Variants in RBFOX1 observed in about 807,000 individuals in gnomAD.
The protein encoded by RBFOX1 is RNA binding fox-1 homolog 1.
RBFOX1 carries 8 observed loss-of-function variants against 57.7 expected under a neutral mutation model. The observed-to-expected ratio is 0.14, with a 90% CI of 0.08 to 0.25. The LOEUF (loss-of-function observed/expected upper bound fraction) is 0.25. Among genes scored for constraint, RBFOX1 ranks in the 10% least tolerant of loss-of-function variants. The probability of loss-of-function intolerance (pLI) is 1.00; values close to 1 mark genes in which losing one functional copy is unlikely to be tolerated. For synonymous variants in RBFOX1, 326 were observed against 222.4 expected, an observed-to-expected ratio of 1.47 and a Z score of -4.15; for missense variants, 611 against 548.5, an observed-to-expected ratio of 1.11 and a Z score of -1.14.
At chr16:5,428,487 T>C (rs554249035) in intron 1 of RBFOX1, among the ~76,000 whole-genome samples, 25 of 152,266 alleles carry the variant, frequency 1.6e-4, no homozygotes, top group African/African-American at 5.3e-4. Context: ...ATATGCATTC[T>C]AGTAGAGGAA....
chr16:7,417,669 G>A (rs2098497140), intron 4 of RBFOX1, among the ~76,000 whole-genome samples: 1 of 151,980 alleles, frequency 6.6e-6, no homozygotes, highest in South Asian at 2.1e-4. Context: ...TTTCGTCCCT[G>A]CAGTGACCTC....
intron 5 of RBFOX1, among the ~76,000 whole-genome samples, chr16:7,532,650 G>A (rs1053121888): frequency 1.3e-5 from 2 of 152,174 alleles, no homozygotes; most frequent in Non-Finnish European, 2.9e-5. Flanking sequence ...ATCAGCAGAA[G>A]TAGCAAGGCT....
chr16:5,454,851 TTCTTTTCTTTCTTTC>T (rs2068542982), intron 1 of RBFOX1, among the ~76,000 whole-genome samples: 1 of 101,416 alleles, frequency 9.9e-6, no homozygotes, highest in Non-Finnish European at 2.0e-5. Context: ...CTTTCTTTCT[TTCTTTTCTTTCTTTC>T]TTTCTTTCTT....
chr16:6,463,686 C>G (rs183384492), intron 2 of RBFOX1, among the ~76,000 whole-genome samples: 2 of 152,326 alleles, frequency 1.3e-5, no homozygotes, highest in Admixed American at 1.3e-4. Context: ...TGTCATTTAG[C>G]TCTCTTACAG....
intron 1 of RBFOX1, among the ~76,000 whole-genome samples, chr16:5,447,116 C>A (rs1049917650): frequency 3.9e-5 from 6 of 152,166 alleles, no homozygotes; most frequent in African/African-American, 1.4e-4. Flanking sequence ...AGCCCCTTGG[C>A]TGGTCTCTGC....
At chr16:7,550,143 C>A (rs1413025140) in intron 5 of RBFOX1, among the ~76,000 whole-genome samples, 1 of 152,142 alleles carries the variant, frequency 6.6e-6, no homozygotes, top group African/African-American at 2.4e-5. Flanking sequence ...GTTGCCCAGG[C>A]TGGTCTCAAA....
At chr16:6,308,471 A>T (rs2079815174) in intron 1 of RBFOX1, among the ~76,000 whole-genome samples, 1 of 152,222 alleles carries the variant, frequency 6.6e-6, no homozygotes, top group Non-Finnish European at 1.5e-5. Context: ...TTTACATAAA[A>T]ATACTGGCTG....
intron 3 of RBFOX1, among the ~76,000 whole-genome samples, chr16:6,842,418 CTGTT>C (rs1236745038): frequency 4.6e-5 from 7 of 152,058 alleles, no homozygotes; most frequent in East Asian, 3.9e-4. Flanking sequence ...AGATTATTCA[CTGTT>C]TGGGCAACTT....
intron 4 of RBFOX1, among the ~76,000 whole-genome samples, chr16:5,875,652 A>C (rs1017157793): frequency 2.0e-5 from 3 of 152,202 alleles, no homozygotes; most frequent in South Asian, 4.1e-4. Flanking sequence ...AGAAGTATCA[A>C]CTAGAACCAA....
In RBFOX1 at chr16:5,752,163, G is replaced by A. The variant is rs570926940; in HGVS notation, c.319-115140G>A. 3.3e-5 allele frequency among the ~76,000 whole-genome samples: 5 copies of A among 152,320 alleles called. No homozygotes were observed. In the East Asian group the frequency reaches 7.7e-4, roughly 24 times the overall value. ...GGAGGCTATTGTCCTCAGCAAACTGGTGTAGGAACAGAAAACCACATACTG... is the reference window on the plus strand; with the variant it reads ...GGAGGCTATTGTCCTCAGCAAACTGATGTAGGAACAGAAAACCACATACTG... On this transcript the variant is annotated intron_variant, in intron 3 of 19. Coordinates refer to the RBFOX1 transcript ENST00000641259.
intron 1 of RBFOX1, among the ~76,000 whole-genome samples, chr16:5,459,808 G>C (rs2068736683): frequency 6.6e-6 from 1 of 152,014 alleles, no homozygotes; most frequent in African/African-American, 2.4e-5. Context: ...TCTGAGCTCA[G>C]AGACTGCTTA....
chr16:6,794,197 T>A (rs2083493952), intron 3 of RBFOX1, among the ~76,000 whole-genome samples: 1 of 152,030 alleles, frequency 6.6e-6, no homozygotes, highest in Admixed American at 6.6e-5. Context: ...TGATGCGGGA[T>A]TACTGGGAGA....
chr16:6,274,003 G>A (rs1476181898), intron 1 of RBFOX1, among the ~76,000 whole-genome samples: 1 of 152,174 alleles, frequency 6.6e-6, no homozygotes, highest in Non-Finnish European at 1.5e-5. Flanking sequence ...TGGTATCAGT[G>A]CACACCTATC....
At chr16:7,681,563 C>G (rs894049158) in intron 14 of RBFOX1, among the ~76,000 whole-genome samples, 2 of 152,166 alleles carry the variant, frequency 1.3e-5, no homozygotes, top group South Asian at 2.1e-4. Context: ...AATTGGAGTT[C>G]TTATCCGATG....
At chr16:7,612,320 C>CAAAAAAAAAAAAAAA (rs60248765) in intron 10 of RBFOX1, among the ~76,000 whole-genome samples, 1 of 71,478 alleles carries the variant, frequency 1.4e-5, no homozygotes, top group African/African-American at 6.5e-5. Context: ...GACTCCATCT[C>CAAAAAAAAAAAAAAA]AAAAAAAAAA....
At chr16:5,588,976 G>T (rs1439506018) in intron 2 of RBFOX1, among the ~76,000 whole-genome samples, 1 of 152,208 alleles carries the variant, frequency 6.6e-6, no homozygotes, top group Non-Finnish European at 1.5e-5. Flanking sequence ...GGGCTGCCTA[G>T]ATGTCATGGC....
At chr16:6,905,615 C>A (rs2069671859) in intron 3 of RBFOX1, among the ~76,000 whole-genome samples, 1 of 151,406 alleles carries the variant, frequency 6.6e-6, no homozygotes, top group Non-Finnish European at 1.5e-5. Context: ...GTAGGTTGGA[C>A]TTTGTGTTTA....
chr16:5,525,704 G>A (rs1053830501), intron 2 of RBFOX1, among the ~76,000 whole-genome samples: 1 of 151,674 alleles, frequency 6.6e-6, no homozygotes, highest in African/African-American at 2.4e-5. Context: ...CGTCATGTTG[G>A]CCAGGCTGAT....
intron 1 of RBFOX1, among the ~76,000 whole-genome samples, chr16:6,099,088 C>T (rs934640016): frequency 6.6e-6 from 1 of 152,158 alleles, no homozygotes; most frequent in Non-Finnish European, 1.5e-5. Flanking sequence ...TTGTATGAGT[C>T]CAGGGGGCGA....
Sources: allele counts gnomAD v4.1 joint callset (sites outside exome capture counted in the v4.1 genomes callset), GRCh38; gene constraint gnomAD v4.1.1; transcripts MANE v1.5; gene names NCBI Gene and HGNC (gene_info 2026-07-23, HGNC 2026-07-21).